CPE: variants seen among roughly 807,000 people sequenced by gnomAD.
CPE encodes carboxypeptidase E.
In CPE, 17 loss-of-function variants were observed where a neutral mutation model predicts 53.5. That is an observed-to-expected ratio of 0.32 (90% confidence interval 0.22 to 0.48). The LOEUF (loss-of-function observed/expected upper bound fraction) is 0.48. Among genes scored for constraint, CPE ranks in the 20% least tolerant of loss-of-function variants. CPE has a pLI of 0.99. For missense variants in CPE, 524 were observed against 614.7 expected, an observed-to-expected ratio of 0.85 and a Z score of 1.56; for synonymous variants, 226 against 228.8, an observed-to-expected ratio of 0.99 and a Z score of 0.11.
In CPE at chr4:165,459,686, G is replaced by GT. The variant is rs1553976504; in HGVS notation, c.308-4704_308-4703insT. The stretch of plus-strand genomic sequence containing the variant: ...TGGGAGGGCTGGGTGGGGGGGGGCG[G>GT]GGCAGATCATGAGGTCAGGAGGAGT... On this transcript the variant is annotated intron_variant, in intron 1 of 8. Transcript: ENST00000402744. 1.1e-3 allele frequency among the ~76,000 whole-genome samples: 131 copies of GT among 116,796 alleles called. 7 individuals are homozygous for GT. The highest frequency in any genetic ancestry group is 4.7e-3 in the African/African-American group (119 of 25,286). 76.6% of individuals were successfully genotyped at this position (116,796 alleles called of 152,430 possible).
At chr4:165,469,377 T>C (rs1198085158) in intron 3 of CPE, among the ~76,000 whole-genome samples, 2 of 152,196 alleles carry the variant, frequency 1.3e-5, no homozygotes, top group African/African-American at 4.8e-5. Context: ...TTCTAGTTGC[T>C]GGGTCATTCC....
chr4:165,380,440 AGAG>A (rs1334340499), intron 1 of CPE, among the ~76,000 whole-genome samples: 2 of 152,178 alleles, frequency 1.3e-5, no homozygotes, highest in African/African-American at 4.8e-5. Context: ...GTATTAATAA[AGAG>A]GTATTTAAAA....
Position 165,423,430 on chromosome 4 carries a change from G to C in CPE, c.308-40960G>C, listed in dbSNP as rs561607414. 4.0e-3 allele frequency among the ~76,000 whole-genome samples: 605 copies of C among 151,464 alleles called. 4 individuals carry two copies. Among genetic ancestry groups the C allele is most frequent in the Non-Finnish European group, 6.5e-3 (438 of 67,864 alleles). On this transcript the variant is annotated intron_variant, in intron 1 of 8. Coordinates refer to ENST00000402744, the MANE Select transcript of CPE (RefSeq NM_001873.4). ...CTTTTCAAAGTTTTATTAATTTCCA[G>C]TTTCATCATATGGTTATTAGAGAAT...
chr4:165,480,581 T>G (rs539610240), intron 3 of CPE, among the ~76,000 whole-genome samples: 1 of 152,352 alleles, frequency 6.6e-6, no homozygotes, highest in Non-Finnish European at 1.5e-5. Context: ...CCCTAACTTC[T>G]CTACATCTCA....
chr4:165,423,299 TC>T (rs1731258373), intron 1 of CPE, among the ~76,000 whole-genome samples: 1 of 152,186 alleles, frequency 6.6e-6, no homozygotes, highest in Admixed American at 6.5e-5. Context: ...GGTTGACTTT[TC>T]CTTTTAGCTT....
chr4:165,461,100 G>A (rs369912510), intron 1 of CPE, among the ~76,000 whole-genome samples: 7 of 146,762 alleles, frequency 4.8e-5, no homozygotes, highest in South Asian at 4.4e-4. Context: ...CCGGGAGGTC[G>A]AGGCTGCAGT....
At chr4:165,405,207 T>C in intron 1 of CPE, 1 of 787,028 alleles carries the variant, frequency 1.3e-6, no homozygotes, top group Admixed American at 1.7e-5. Context: ...AGTATAGTCT[T>C]TCGCCCCTTA....
chr4:165,415,619 G>A (rs538932302), intron 1 of CPE, among the ~76,000 whole-genome samples: 68 of 152,034 alleles, frequency 4.5e-4, no homozygotes, highest in Non-Finnish European at 8.8e-4. Flanking sequence ...TAGCTCAAGT[G>A]TATAATTTAA....
At position 165,436,189 on chromosome 4, in the gene CPE, CAT is replaced by C. The variant is rs1367441956; in HGVS notation, c.308-28199_308-28198del. On this transcript the variant is annotated intron_variant, in intron 1 of 8. Transcript: ENST00000402744. ...ATATTTTGCAGCATTTCCCAGCACA[CAT>C]ACACACACACACACACACACACACG... Among the ~76,000 whole-genome samples the C allele has an allele frequency of 8.5e-4, 109 of 128,212 alleles. 1 individual carries two copies. The highest frequency in any genetic ancestry group is 3.1e-3 in the African/African-American group (105 of 33,996). 84.1% of individuals were successfully genotyped at this position (128,212 alleles called of 152,430 possible). A position where few individuals can be genotyped will look rare whatever the true frequency, so the allele number is the denominator to read the frequency against.
At chr4:165,488,531 C>A (rs1732547546) in intron 6 of CPE, among the ~76,000 whole-genome samples, 1 of 152,118 alleles carries the variant, frequency 6.6e-6, no homozygotes. Context: ...TCTGTTCATT[C>A]CTGCAGTTCT....
intron 3 of CPE, among the ~76,000 whole-genome samples, chr4:165,478,913 C>T (rs1247404747): frequency 6.6e-6 from 1 of 152,142 alleles, no homozygotes; most frequent in Non-Finnish European, 1.5e-5. Context: ...TACCCCAATT[C>T]GTCCCTGGAC....
chr4:165,470,685 C>G (rs1732189657), intron 3 of CPE, among the ~76,000 whole-genome samples: 1 of 152,154 alleles, frequency 6.6e-6, no homozygotes, highest in Admixed American at 6.5e-5. Flanking sequence ...AGGGCCCTCT[C>G]TTGTCCTGCT....
chr4:165,496,571 G>A (rs1732708352), intron 8 of CPE, among the ~76,000 whole-genome samples: 1 of 152,114 alleles, frequency 6.6e-6, no homozygotes, highest in African/African-American at 2.4e-5. Context: ...AAATAATCAG[G>A]CGTTTAAGTG....
At chr4:165,443,437 T>G (rs1579263981) in intron 1 of CPE, among the ~76,000 whole-genome samples, 1 of 152,194 alleles carries the variant, frequency 6.6e-6, no homozygotes, top group Non-Finnish European at 1.5e-5. Flanking sequence ...ACAGACTGGG[T>G]AGCTTTAACC....
chr4:165,439,606 C>G (rs1164136640), intron 1 of CPE, among the ~76,000 whole-genome samples: 2 of 150,610 alleles, frequency 1.3e-5, no homozygotes, highest in Non-Finnish European at 2.9e-5. Flanking sequence ...ATTTACTTTA[C>G]TTTCAAACTT....
chr4:165,496,806 A>C (rs1021671136), intron 8 of CPE, among the ~76,000 whole-genome samples: 1 of 152,258 alleles, frequency 6.6e-6, no homozygotes, highest in Admixed American at 6.5e-5. Flanking sequence ...TTGGGATACC[A>C]GCATGCTGAA....
chr4:165,385,384 A>C (rs1730573695), intron 1 of CPE, among the ~76,000 whole-genome samples: 1 of 148,930 alleles, frequency 6.7e-6, no homozygotes, highest in South Asian at 2.1e-4. Flanking sequence ...GGCTTAGTTG[A>C]TAGCCCTGAA....
chr4:165,464,455 A>T lies in CPE; in HGVS notation c.373A>T (p.Ile125Phe). 1.2e-6 allele frequency: 2 copies of T among 1,613,830 alleles called. No individual in the cohort carries two copies. The highest frequency in any genetic ancestry group is 1.7e-6 in the Non-Finnish European group (2 of 1,179,858). ...TGAGGCTGTTGGACGAGAACTGCTCATTTTCTTGGCCCAGTACCTATGCAA... is the reference window on the plus strand; with the variant it reads ...TGAGGCTGTTGGACGAGAACTGCTCTTTTTCTTGGCCCAGTACCTATGCAA... ...GNEAVGRELL[I>F]FLAQYLCNEY... is the part of the protein sequence containing the mutation. The change falls in exon 2 of 9, where the codon ATT (isoleucine) becomes TTT (phenylalanine). Residue 125 changes from isoleucine (I) to phenylalanine (F), a missense_variant. By Grantham distance (21) the Ile-to-Phe change is conservative (BLOSUM62 0). Transcript: ENST00000402744.
intron 1 of CPE, among the ~76,000 whole-genome samples, chr4:165,458,426 T>C (rs1403282918): frequency 6.6e-6 from 1 of 152,218 alleles, no homozygotes; most frequent in African/African-American, 2.4e-5. Flanking sequence ...GTTAAATATA[T>C]AACTTCCAAA....
Sources: gnomAD v4.1 joint callset for allele counts (sites outside exome capture counted in the v4.1 genomes callset) on GRCh38, gnomAD v4.1.1 for gene constraint, MANE v1.5 for transcripts, NCBI Gene and HGNC (gene_info 2026-07-23, HGNC 2026-07-21) for gene names.